The following DMD variants were observed in gnomAD, a reference collection of about 807,000 sequenced individuals.
DMD encodes the protein mutant dystrophin.
In DMD, 63 loss-of-function variants were observed where a neutral mutation model predicts 330.1. The ratio of observed to expected loss-of-function variants is 0.19; its 90% CI spans 0.16 to 0.24. The LOEUF (loss-of-function observed/expected upper bound fraction) is 0.24, where lower values mean the gene tolerates loss of function less well. Among genes scored for constraint, DMD ranks in the 10% least tolerant of loss-of-function variants. DMD has a pLI of 1.00. For missense variants in DMD, 3,344 were observed against 2,684.1 expected (o/e 1.25, Z -5.43); for synonymous variants, 1,223 against 959.8 (o/e 1.27, Z -5.07).
At chrX:31,307,298 T>C (rs1204802756) in intron 62 of DMD, among the ~76,000 whole-genome samples, 1 of 112,099 alleles carries the variant, frequency 8.9e-6, no homozygotes, top group Non-Finnish European at 1.9e-5. Flanking sequence ...AAGATTAGTA[T>C]GCTCTGAATC....
intron 11 of DMD, among the ~76,000 whole-genome samples, chrX:32,634,840 C>T (rs1213983350): frequency 8.9e-6 from 1 of 111,955 alleles, no homozygotes; most frequent in African/African-American, 3.2e-5. Flanking sequence ...CCCTTAGCTG[C>T]CCCAGCGGAT....
chrX:31,692,732 A>G (rs1373231767), intron 52 of DMD, among the ~76,000 whole-genome samples: 1 of 111,744 alleles, frequency 8.9e-6, no homozygotes, highest in Non-Finnish European at 1.9e-5. Flanking sequence ...GGAAATCTGA[A>G]AAGACCAGTA....
intron 59 of DMD, among the ~76,000 whole-genome samples, chrX:31,456,449 A>G (rs1345519804): frequency 2.7e-5 from 3 of 111,946 alleles, no homozygotes; most frequent in Non-Finnish European, 5.6e-5. Flanking sequence ...GGCAACCTCT[A>G]TCATGTAGCC....
intron 55 of DMD, among the ~76,000 whole-genome samples, chrX:31,539,222 C>T (rs1193755331): frequency 1.8e-5 from 2 of 111,369 alleles, no homozygotes; most frequent in East Asian, 5.6e-4. Context: ...GAGACAGAAA[C>T]GGAAGCCATT....
At chrX:31,814,969 G>A (rs2092581960) in intron 50 of DMD, among the ~76,000 whole-genome samples, 1 of 112,007 alleles carries the variant, frequency 8.9e-6, no homozygotes, top group South Asian at 3.7e-4. Context: ...GTGGGGAGAT[G>A]GGGAGTAGAG....
At chrX:33,277,598 T>C (rs1016072692) in intron 1 of DMD, among the ~76,000 whole-genome samples, 21 of 110,473 alleles carry the variant, frequency 1.9e-4, no homozygotes, top group Admixed American at 1.8e-3. Context: ...CCTGGACATT[T>C]TGGGCTGAAC....
At chrX:32,352,609 C>A (rs1039294164) in intron 37 of DMD, among the ~76,000 whole-genome samples, 1 of 110,771 alleles carries the variant, frequency 9.0e-6, no homozygotes. Flanking sequence ...CTCTATTAAC[C>A]ATTATACTCA....
intron 62 of DMD, among the ~76,000 whole-genome samples, chrX:31,296,380 C>T (rs1325986286): frequency 2.7e-5 from 3 of 111,591 alleles, no homozygotes; most frequent in East Asian, 2.8e-4. Flanking sequence ...AAAGGCTCAA[C>T]GTTTTCTATT....
chrX:32,844,266 C>T (rs1392145371), intron 4 of DMD, among the ~76,000 whole-genome samples: 1 of 109,247 alleles, frequency 9.2e-6, no homozygotes, highest in Non-Finnish European at 1.9e-5. Context: ...ATTAGCTGGC[C>T]ATAGTGGCAT....
chrX:31,900,569 T>C (rs1029378736), intron 47 of DMD, among the ~76,000 whole-genome samples: 3 of 111,447 alleles, frequency 2.7e-5, no homozygotes, highest in Non-Finnish European at 3.8e-5. Flanking sequence ...TATGTCTTTA[T>C]CCGCAGTGTG....
At chrX:32,378,978 G>A (rs1357839085) in intron 34 of DMD, among the ~76,000 whole-genome samples, 1 of 108,650 alleles carries the variant, frequency 9.2e-6, no homozygotes, top group Non-Finnish European at 1.9e-5. Flanking sequence ...GATCTGCAGG[G>A]CATATATTCT....
At chrX:31,271,063 C>T (rs1461592846) in intron 62 of DMD, among the ~76,000 whole-genome samples, 2 of 111,661 alleles carry the variant, frequency 1.8e-5, no homozygotes, top group African/African-American at 6.5e-5. Flanking sequence ...TGGTCTTGGA[C>T]ATTAGGATTT....
intron 2 of DMD, among the ~76,000 whole-genome samples, chrX:32,928,090 T>G (rs764045785): frequency 3.6e-5 from 4 of 111,248 alleles, no homozygotes; most frequent in African/African-American, 1.3e-4. Flanking sequence ...TATTAAATAT[T>G]TTTATATTTC....
At chrX:32,053,992 G>A (rs1355574010) in intron 44 of DMD, among the ~76,000 whole-genome samples, 2 of 107,427 alleles carry the variant, frequency 1.9e-5, no homozygotes, top group African/African-American at 6.8e-5. Context: ...TATTGATTTT[G>A]TCCATTAGAC....
At chrX:31,869,454 G>A (rs1345115338) in intron 48 of DMD, among the ~76,000 whole-genome samples, 1 of 92,129 alleles carries the variant, frequency 1.1e-5, no homozygotes, top group Non-Finnish European at 2.1e-5. Flanking sequence ...GGATCCTGCT[G>A]TCTTACACAT....
intron 60 of DMD, among the ~76,000 whole-genome samples, chrX:31,387,712 A>C (rs766941702): frequency 7.2e-5 from 8 of 111,091 alleles, no homozygotes; most frequent in African/African-American, 2.6e-4. Flanking sequence ...ATTCTTTTAA[A>C]TGTTATATAA....
intron 2 of DMD, among the ~76,000 whole-genome samples, chrX:33,010,202 A>T (rs1411897996): frequency 1.1e-5 from 1 of 93,549 alleles, no homozygotes; most frequent in Non-Finnish European, 2.0e-5. Context: ...ATATATGCAT[A>T]TGTGTGTGTA....
intron 26 of DMD, 72 bp from the exon 27 acceptor site, chrX:32,448,710 TATA>T: frequency 2.1e-6 from 2 of 966,731 alleles, no homozygotes; most frequent in Non-Finnish European, 2.8e-6. Flanking sequence ...CTATGAATCA[TATA>T]ATTTCTTTCT....
At chrX:32,092,729 T>A (rs928875466) in intron 44 of DMD, among the ~76,000 whole-genome samples, 5 of 44,345 alleles carry the variant, frequency 1.1e-4, no homozygotes, top group African/African-American at 3.9e-4. Flanking sequence ...TTTCACTTTT[T>A]TTTTTTTTTT....
Sources: allele counts gnomAD v4.1 joint callset (sites outside exome capture counted in the v4.1 genomes callset), GRCh38; gene constraint gnomAD v4.1.1; transcripts MANE v1.5; gene names NCBI Gene and HGNC (gene_info 2026-07-23, HGNC 2026-07-21).